The following PI4KA variants were observed in gnomAD, a reference collection of about 807,000 sequenced individuals.
The protein encoded by PI4KA is PI4-kinase alpha.
In PI4KA, 122 loss-of-function variants were observed where a neutral mutation model predicts 271.4. That is an observed-to-expected ratio of 0.45 (90% CI 0.39 to 0.52). The LOEUF is 0.52. PI4KA is among the 20% of genes least tolerant of loss of function. PI4KA has a pLI of 0.00. For missense variants in PI4KA, 1,969 were observed against 2,769.1 expected, an observed-to-expected ratio of 0.71 and a Z score of 6.48; for synonymous variants, 1,041 against 1,078.8, an observed-to-expected ratio of 0.96 and a Z score of 0.69.
chr22:20,714,535 A>C lies in PI4KA; in HGVS notation c.5391-7T>G. 1 of 1,613,838 alleles carries C rather than the reference A, an allele frequency of 6.2e-7. No individual in the cohort carries two copies. The highest frequency in any genetic ancestry group is 2.2e-5 in the East Asian group (1 of 44,882). ...ATATGGGGCTTTTGCAGCACTGAAA[A>C]CAACAAAAAGAATGTGGCACCCATG... On this transcript the variant is annotated splice_polypyrimidine_tract_variant and splice_region_variant and intron_variant, in intron 46 of 54. Coordinates refer to ENST00000255882, the MANE Select transcript of PI4KA (RefSeq NM_058004.4).
At chr22:20,726,224 C>T (rs1469116973) in intron 42 of PI4KA, 2 of 377,476 alleles carry the variant, frequency 5.3e-6, no homozygotes, top group South Asian at 9.9e-5. Context: ...GAAGCCTGGC[C>T]AGGCTGCCTA....
In PI4KA at chr22:20,824,413, A is replaced by C; in HGVS notation, c.369T>G (p.Gly123=). ...TGAAGCTCTCTGCAACCGGGAGGGCACCTGGAAGATGTAAAAACATAAATC... is the reference window on the plus strand; with the variant it reads ...TGAAGCTCTCTGCAACCGGGAGGGCCCCTGGAAGATGTAAAAACATAAATC... ...VEESTARKGR[G]ALPVAESFSF... is the part of the protein sequence containing the mutation. Residue 123 remains glycine, a splice_region_variant and synonymous_variant, in exon 4 of 55, where the codon GGT becomes GGG. Transcript: ENST00000255882. 1.2e-6 allele frequency: 2 copies of C among 1,610,212 alleles called. No individual in the cohort carries two copies. The highest frequency in any genetic ancestry group is 8.5e-7 in the Non-Finnish European group (1 of 1,177,474).
intron 43 of PI4KA, 28 bp downstream of exon 43, chr22:20,721,270 G>C (rs774105514): frequency 3.1e-6 from 5 of 1,612,814 alleles, no homozygotes; most frequent in Non-Finnish European, 2.5e-6. Context: ...GACAGTAAGT[G>C]AGGCCTGTGG....
intron 32 of PI4KA, 98 bp from the exon 33 acceptor site, chr22:20,734,651 A>G (rs551645903): frequency 4.0e-6 from 5 of 1,235,576 alleles, no homozygotes; most frequent in South Asian, 1.4e-5. Flanking sequence ...TGCTCACTGA[A>G]TAAGATTTAG....
At chr22:20,849,853 CA>C (rs202180553) in intron 1 of PI4KA, among the ~76,000 whole-genome samples, 1 of 149,318 alleles carries the variant, frequency 6.7e-6, no homozygotes, top group African/African-American at 2.5e-5. Context: ...AACTCTGTCT[CA>C]AAAAAAAATA....
intron 23 of PI4KA, among the ~76,000 whole-genome samples, 190 bp from the exon 24 acceptor site, chr22:20,753,370 C>G (rs1464850270): frequency 6.6e-6 from 1 of 152,208 alleles, no homozygotes; most frequent in African/African-American, 2.4e-5. Context: ...TGTGTCAAAA[C>G]TGAGTCAGAT....
chr22:20,833,577 C>T (rs938750563), intron 3 of PI4KA, among the ~76,000 whole-genome samples: 1 of 151,864 alleles, frequency 6.6e-6, no homozygotes, highest in Non-Finnish European at 1.5e-5. Context: ...TGTTGCGGGG[C>T]CCAGAATGTT....
chr22:20,831,115 C>T (rs529294534), intron 3 of PI4KA, among the ~76,000 whole-genome samples: 1 of 152,242 alleles, frequency 6.6e-6, no homozygotes, highest in Non-Finnish European at 1.5e-5. Context: ...TCTTTCCCTT[C>T]CATGTTTAGC....
intron 36 of PI4KA, among the ~76,000 whole-genome samples, chr22:20,730,634 G>C (rs1357585680): frequency 1.3e-5 from 2 of 151,814 alleles, no homozygotes; most frequent in Non-Finnish European, 2.9e-5. Flanking sequence ...GCAATGGCGC[G>C]ATCTCAGCTC....
At chr22:20,799,622 C>T in intron 15 of PI4KA, 49 bp downstream of exon 15, 1 of 1,335,284 alleles carries the variant, frequency 7.5e-7, no homozygotes, top group South Asian at 1.3e-5. Context: ...CCCACACGAG[C>T]CTGCTGAGAA....
At chr22:20,721,537 T>C in intron 42 of PI4KA, 119 bp from the exon 43 acceptor site, 3 of 1,040,514 alleles carry the variant, frequency 2.9e-6, no homozygotes, top group South Asian at 1.4e-5. Context: ...CCGGTGGCTC[T>C]AGTGGTGTGG....
rs75787781 is a variant in PI4KA, at chr22:20,802,904, C to T, written c.1591+287G>A. ...CTCGCAGGGGTAGCAGGGACTGGGCCCCTGGCTAAGTGTTTGGGGCACACA... is the reference window on the plus strand; with the variant it reads ...CTCGCAGGGGTAGCAGGGACTGGGCTCCTGGCTAAGTGTTTGGGGCACACA... On this transcript the variant is annotated intron_variant, in intron 13 of 54. Transcript: ENST00000255882. Among the ~76,000 whole-genome samples the T allele has an allele frequency of 0.061, 9,340 of 152,096 alleles. 480 individuals carry two copies. The highest frequency in any genetic ancestry group is 0.091 in the Non-Finnish European group (6,196 of 67,984).
At chr22:20,803,074 GA>G in intron 13 of PI4KA, 116 bp downstream of exon 13, 2 of 1,055,926 alleles carry the variant, frequency 1.9e-6, no homozygotes, top group Non-Finnish European at 1.4e-6. Context: ...GGGAAAGACA[GA>G]AGGAAAGGTG....
intron 11 of PI4KA, 66 bp downstream of exon 11, chr22:20,804,908 C>A: frequency 1.5e-6 from 2 of 1,348,000 alleles, no homozygotes; most frequent in Non-Finnish European, 2.1e-6. Flanking sequence ...TTTGGGGAAA[C>A]TTGTGGCAAG....
chr22:20,778,825 C>T (rs1347254614), intron 19 of PI4KA, among the ~76,000 whole-genome samples: 1 of 152,178 alleles, frequency 6.6e-6, no homozygotes, highest in African/African-American at 2.4e-5. Context: ...TAGAGCCACA[C>T]CCCTTTCCGT....
chr22:20,857,735 C>G (rs1393754757), intron 1 of PI4KA, among the ~76,000 whole-genome samples: 1 of 152,142 alleles, frequency 6.6e-6, no homozygotes, highest in Non-Finnish European at 1.5e-5. Flanking sequence ...TACAGAGGCT[C>G]TAAGAGTTAA....
intron 13 of PI4KA, among the ~76,000 whole-genome samples, 192 bp downstream of exon 13, chr22:20,802,999 G>A (rs935913329): frequency 6.6e-6 from 1 of 152,162 alleles, no homozygotes; most frequent in Non-Finnish European, 1.5e-5. Context: ...GGCCTTTGGT[G>A]TAACAGGAAT....
chr22:20,738,443 C>T (rs1016524088), intron 32 of PI4KA, among the ~76,000 whole-genome samples: 2 of 152,198 alleles, frequency 1.3e-5, no homozygotes, highest in Non-Finnish European at 2.9e-5. Flanking sequence ...AATCTTTCCC[C>T]TCTCAGTGAA....
chr22:20,737,534 T>G (rs1928877035), intron 32 of PI4KA, among the ~76,000 whole-genome samples: 1 of 152,016 alleles, frequency 6.6e-6, no homozygotes, highest in Admixed American at 6.5e-5. Flanking sequence ...GAGGTGGATC[T>G]GGGCTCCAGA....
Sources: allele counts gnomAD v4.1 joint callset (sites outside exome capture counted in the v4.1 genomes callset), GRCh38; gene constraint gnomAD v4.1.1; transcripts MANE v1.5; gene names NCBI Gene and HGNC (gene_info 2026-07-23, HGNC 2026-07-21).